Variants in MAP2K5 observed in about 807,000 individuals in gnomAD.
MAP2K5 encodes dual specificity mitogen-activated protein kinase kinase 5.
Under a neutral mutation model 83.1 loss-of-function variants are expected in MAP2K5, and 49 were observed. That is an observed-to-expected ratio of 0.59 (90% CI 0.47 to 0.75). The LOEUF is 0.75. MAP2K5 is among the 30% of genes least tolerant of loss of function. The pLI, the probability that MAP2K5 is intolerant of heterozygous loss-of-function variation, is 0.00. For synonymous variants in MAP2K5, 202 were observed against 191.8 expected (o/e 1.05, Z -0.44); for missense variants, 457 against 557.5 (o/e 0.82, Z 1.82).
Position 67,749,011 on chromosome 15 carries a change from G to A in MAP2K5, c.1134+410G>A, listed in dbSNP as rs1282753542. On this transcript the variant is annotated intron_variant, in intron 19 of 21. Coordinates refer to ENST00000178640, the MANE Select transcript of MAP2K5 (RefSeq NM_145160.3). The surrounding 1 kb of genome is among the most constrained non-coding windows in gnomAD (Gnocchi z 4.6). ...GCTGGATGAAATTTGCCTGCCTTGA[G>A]TTATTTACCCAAAGCATATCAGAGT... 4.6e-5 allele frequency among the ~76,000 whole-genome samples: 7 copies of A among 152,214 alleles called. No individual in the cohort carries two copies. Among genetic ancestry groups the A allele is most frequent in the Non-Finnish European group, 1.0e-4 (7 of 68,032 alleles).
intron 1 of MAP2K5, among the ~76,000 whole-genome samples, chr15:67,544,563 C>T (rs2084355690): frequency 1.3e-5 from 2 of 152,178 alleles, no homozygotes; most frequent in Non-Finnish European, 2.9e-5. Flanking sequence ...AGGTTTCTTT[C>T]CCTACATGTT....
intron 8 of MAP2K5, among the ~76,000 whole-genome samples, chr15:67,621,315 T>C (rs146995706): frequency 6.6e-6 from 1 of 151,884 alleles, no homozygotes; most frequent in African/African-American, 2.4e-5. Flanking sequence ...TATACACACC[T>C]TAGTAAAGAA....
rs540153595 is a variant in MAP2K5, at chr15:67,783,090, G to A, written c.1242+10338G>A. ...CTGTTGTGAGACATGGAGAGAAGCC[G>A]ATGTGGGAATCACAGATGTGCATTT... is the stretch of plus-strand genomic sequence containing the variant. On this transcript the variant is annotated intron_variant, in intron 21 of 21. Transcript: ENST00000178640. This position sits in a 1 kb window ranked among gnomAD's most constrained non-coding sequence, Gnocchi z 5.1. Among the ~76,000 whole-genome samples, 19 of 152,348 alleles carry A rather than the reference G, an allele frequency of 1.2e-4. No homozygotes were observed. Among genetic ancestry groups the A allele is most frequent in the African/African-American group, 4.1e-4 (17 of 41,582 alleles).
chr15:67,734,807 C>T (rs1475885357), intron 17 of MAP2K5, among the ~76,000 whole-genome samples: 1 of 152,034 alleles, frequency 6.6e-6, no homozygotes, highest in Non-Finnish European at 1.5e-5. Context: ...TTTAAATATA[C>T]AGTTTTTTGT....
At chr15:67,787,327 C>G (rs1019544545) in intron 21 of MAP2K5, among the ~76,000 whole-genome samples, 8 of 152,240 alleles carry the variant, frequency 5.3e-5, no homozygotes, top group Non-Finnish European at 1.2e-4. Context: ...GTCTCTCTTT[C>G]TGCATCTTCT....
chr15:67,728,755 T>C (rs1425078193), intron 17 of MAP2K5, among the ~76,000 whole-genome samples: 1 of 152,256 alleles, frequency 6.6e-6, no homozygotes, highest in Non-Finnish European at 1.5e-5. Context: ...ATTAACTTGC[T>C]ATTATTATGC....
At chr15:67,784,668 A>C (rs2090386511) in intron 21 of MAP2K5, among the ~76,000 whole-genome samples, 1 of 152,222 alleles carries the variant, frequency 6.6e-6, no homozygotes, top group Non-Finnish European at 1.5e-5. Flanking sequence ...TTAGTTGGTT[A>C]TCTGAGGGGA....
chr15:67,749,004 G>A lies in MAP2K5; in HGVS notation c.1134+403G>A, dbSNP rs962551829. ...AGCATAAGCTGGATGAAATTTGCCT[G>A]CCTTGAGTTATTTACCCAAAGCATA... On this transcript the variant is annotated intron_variant, in intron 19 of 21. Coordinates refer to ENST00000178640, the MANE Select transcript of MAP2K5 (RefSeq NM_145160.3). The surrounding 1 kb of genome is among the most constrained non-coding windows in gnomAD (Gnocchi z 4.6). Among the ~76,000 whole-genome samples, 4 of 152,228 alleles carry A rather than the reference G, an allele frequency of 2.6e-5. No individual in the cohort carries two copies. The highest frequency in any genetic ancestry group is 9.6e-5 in the African/African-American group (4 of 41,468).
At position 67,763,596 on chromosome 15, in the gene MAP2K5, G is replaced by A. The variant is rs79547317; in HGVS notation, c.1135-6006G>A. 8.3e-3 allele frequency among the ~76,000 whole-genome samples: 1,266 copies of A among 152,134 alleles called. 16 individuals are homozygous for A. The highest frequency in any genetic ancestry group is 0.029 in the African/African-American group (1,209 of 41,504). ...TTTTGGTTTGAAGATTAGCTTCTAT[G>A]GAGATCCTTGGAGGTGAGGGTCCAG... On this transcript the variant is annotated intron_variant, in intron 19 of 21. Transcript: ENST00000178640.
chr15:67,565,169 G>C lies in MAP2K5; in HGVS notation c.252+1819G>C, dbSNP rs992159343. On this transcript the variant is annotated intron_variant, in intron 3 of 21. Coordinates refer to ENST00000178640, the MANE Select transcript of MAP2K5 (RefSeq NM_145160.3). This position sits in a 1 kb window ranked among gnomAD's most constrained non-coding sequence, Gnocchi z 4.1. Reference sequence around the variant, plus strand: ...ATGCCCAAGCTGTTGCTCATTTACTGTTTTACACTGTCTCTCCCCCACCTT... The same window carrying C: ...ATGCCCAAGCTGTTGCTCATTTACTCTTTTACACTGTCTCTCCCCCACCTT... Among the ~76,000 whole-genome samples the C allele has an allele frequency of 3.9e-5, 6 of 152,040 alleles. No homozygotes were observed. The highest frequency in any genetic ancestry group is 1.4e-4 in the African/African-American group (6 of 41,388).
Position 67,807,045 on chromosome 15 carries a change from G to A in MAP2K5, c.*295G>A. ...CCCTGCCCACTTCTGTTTTCCTAAT[G>A]TTTTTCTCTATAAAGGGTCAGGCCC... On this transcript the variant is annotated 3_prime_UTR_variant, in exon 22 of 22. Transcript: ENST00000178640. This position sits in a 1 kb window ranked among gnomAD's most constrained non-coding sequence, Gnocchi z 5.1. 3 of 1,187,932 alleles carry A rather than the reference G, an allele frequency of 2.5e-6. No individual in the cohort carries two copies. Among genetic ancestry groups the A allele is most frequent in the South Asian group, 3.1e-5 (2 of 63,870 alleles). The allele number at this position is 1,187,932 out of a possible 1,614,324, so 73.6% of individuals were successfully genotyped here.
chr15:67,666,238 A>G (rs531194188), intron 13 of MAP2K5, among the ~76,000 whole-genome samples: 2 of 152,340 alleles, frequency 1.3e-5, no homozygotes, highest in African/African-American at 4.8e-5. Flanking sequence ...TTGTGCAAGG[A>G]ATCTTAGTAG....
chr15:67,634,705 C>G (rs1424480216), intron 9 of MAP2K5, among the ~76,000 whole-genome samples: 1 of 151,838 alleles, frequency 6.6e-6, no homozygotes, highest in African/African-American at 2.4e-5. Context: ...ATTCTTTGCT[C>G]TGAAATTTAT....
rs562515728 is a variant in MAP2K5, at chr15:67,728,588, A to G, written c.1074+643A>G. Among the ~76,000 whole-genome samples, 44 of 152,314 alleles carry G rather than the reference A, an allele frequency of 2.9e-4. 1 individual carries two copies. The highest frequency in any genetic ancestry group is 1.0e-3 in the African/African-American group (43 of 41,578). ...AATGATTCCCCAGTTTGTGGGGGAA[A>G]TAAGTGAAATGTCTAGAGGGATGAA... On this transcript the variant is annotated intron_variant, in intron 17 of 21. Coordinates refer to ENST00000178640, the MANE Select transcript of MAP2K5 (RefSeq NM_145160.3).
intron 9 of MAP2K5, chr15:67,642,559 T>C: frequency 1.1e-6 from 1 of 931,880 alleles, no homozygotes; most frequent in Non-Finnish European, 1.8e-6. Context: ...ACAGGTTTTT[T>C]CAATCAGTGC....
chr15:67,620,102 C>T (rs1470860095), intron 8 of MAP2K5, among the ~76,000 whole-genome samples: 5 of 152,020 alleles, frequency 3.3e-5, no homozygotes, highest in African/African-American at 9.7e-5. Context: ...CCATGTGCAG[C>T]GGCTAACGCC....
intron 12 of MAP2K5, chr15:67,658,881 ACTTCTTCTG>A: frequency 2.5e-6 from 1 of 407,120 alleles, no homozygotes; most frequent in Admixed American, 3.5e-5. Flanking sequence ...AAAATTTCCA[ACTTCTTCTG>A]AAAAAAAAAT....
intron 9 of MAP2K5, among the ~76,000 whole-genome samples, chr15:67,633,123 C>A (rs2086513036): frequency 6.6e-6 from 1 of 152,180 alleles, no homozygotes; most frequent in South Asian, 2.1e-4. Context: ...GCGGCCCAGT[C>A]GTACCACCTT....
chr15:67,664,545 C>A, intron 12 of MAP2K5, 52 bp from the exon 13 acceptor site: 1 of 1,213,436 alleles, frequency 8.2e-7, no homozygotes, highest in Non-Finnish European at 1.2e-6. Context: ...TGGAAAGTTC[C>A]TTTTAAAAAC....
Sources: allele counts gnomAD v4.1 joint callset (sites outside exome capture counted in the v4.1 genomes callset), GRCh38; gene constraint gnomAD v4.1.1; non-coding constraint Gnocchi (gnomAD v3.1); transcripts MANE v1.5; gene names NCBI Gene and HGNC (gene_info 2026-07-23, HGNC 2026-07-21).